PPP2R2B: variants seen among roughly 807,000 people sequenced by gnomAD.
PPP2R2B encodes serine/threonine-protein phosphatase 2A 55 kDa regulatory subunit B beta isoform.
A neutral mutation model predicts 46.0 loss-of-function variants in PPP2R2B; 5 were observed. The ratio of observed to expected loss-of-function variants is 0.11; its 90% CI spans 0.06 to 0.23. PPP2R2B has a LOEUF of 0.23. Ranked by LOEUF, PPP2R2B falls within the 10% of genes least tolerant of loss-of-function variation. PPP2R2B has a pLI of 1.00. For missense variants in PPP2R2B, 367 were observed against 575.0 expected (o/e 0.64, Z 3.70); for synonymous variants, 215 against 206.7 (o/e 1.04, Z -0.34).
intron 2 of PPP2R2B, among the ~76,000 whole-genome samples, chr5:146,770,693 G>C (rs1754797959): frequency 6.6e-6 from 1 of 152,200 alleles, no homozygotes; most frequent in Admixed American, 6.5e-5. Flanking sequence ...CTGCTATGTG[G>C]GTTGGGAGGT....
At chr5:147,061,792 T>C (rs968274307) in intron 2 of PPP2R2B, among the ~76,000 whole-genome samples, 6 of 152,148 alleles carry the variant, frequency 3.9e-5, no homozygotes, top group Non-Finnish European at 8.8e-5. Context: ...ACAGAAGATT[T>C]TGGCTCTCAT....
Position 146,699,661 on chromosome 5 carries a change from GTT to G in PPP2R2B, c.168+1382_168+1383del, listed in dbSNP as rs11388336. Among the ~76,000 whole-genome samples the G allele has an allele frequency of 9.1e-4, 107 of 118,066 alleles. 1 individual carries two copies. The South Asian group carries it at 0.011, about 13-fold the overall frequency. The allele number at this position is 118,066 out of a possible 152,430, so 77.5% of individuals were successfully genotyped here. A position where few individuals can be genotyped will look rare whatever the true frequency, so the allele number is the denominator to read the frequency against. On this transcript the variant is annotated intron_variant, in intron 3 of 9. Coordinates refer to ENST00000394411, the MANE Select transcript of PPP2R2B (RefSeq NM_181675.4). Reference sequence around the variant, plus strand: ...TTTATCATCACTGCGAACTTAATTGGTTTTTTTTTTTTTTTTTTTTTTTAAGA... The same window carrying G: ...TTTATCATCACTGCGAACTTAATTGGTTTTTTTTTTTTTTTTTTTTTAAGA...
intron 2 of PPP2R2B, among the ~76,000 whole-genome samples, chr5:146,767,113 G>A (rs572396776): frequency 9.9e-5 from 14 of 141,690 alleles, no homozygotes; most frequent in African/African-American, 3.3e-4. Context: ...ATCTTAGGTA[G>A]CATTAGTTTC....
At chr5:146,969,035 A>G (rs145582932) in intron 1 of PPP2R2B, among the ~76,000 whole-genome samples, 60 of 152,374 alleles carry the variant, frequency 3.9e-4, no homozygotes, top group African/African-American at 1.4e-3. Flanking sequence ...GTATTTGTCA[A>G]CTCCAGCCTA....
chr5:146,867,968 T>G (rs1451404817), intron 2 of PPP2R2B, among the ~76,000 whole-genome samples: 1 of 152,172 alleles, frequency 6.6e-6, no homozygotes, highest in Non-Finnish European at 1.5e-5. Context: ...ACCCCCACCA[T>G]GGAGTATAAA....
intron 2 of PPP2R2B, among the ~76,000 whole-genome samples, chr5:146,871,299 G>A (rs1469316004): frequency 1.3e-5 from 2 of 152,194 alleles, no homozygotes; most frequent in Non-Finnish European, 2.9e-5. Context: ...TTCTCTTGCT[G>A]TGGCCCAGGC....
intron 1 of PPP2R2B, among the ~76,000 whole-genome samples, chr5:146,985,612 T>G (rs1330213680): frequency 6.6e-6 from 1 of 152,162 alleles, no homozygotes; most frequent in East Asian, 1.9e-4. Context: ...ACGGCTAACA[T>G]TATACTCAAA....
In PPP2R2B at chr5:146,593,054, G is replaced by A. The variant is rs770113098; in HGVS notation, c.969C>T (p.Asp323=). 6.2e-7 allele frequency: 1 copy of A among 1,612,374 alleles called. No homozygotes were observed. The highest frequency in any genetic ancestry group is 1.7e-5 in the Admixed American group (1 of 60,020). The change falls in exon 9 of 10, where the codon GAC becomes GAT. Residue 323 remains aspartate, a synonymous_variant. Coordinates refer to ENST00000394411, the MANE Select transcript of PPP2R2B (RefSeq NM_181675.4). ...NRPIETYQVH[D]YLRSKLCSLY... ...GGGAACACAGCTTGCTGCGGAGGTA[G>A]TCATGAACCTGGAGAGGAAACATAT... is the stretch of plus-strand genomic sequence containing the variant.
At position 146,689,465 on chromosome 5, in the gene PPP2R2B, G is replaced by A. The variant is rs142416681; in HGVS notation, c.447+1663C>T. ...CTTACTATTCAACACAGGAACAGGC[G>A]TACAGGTTTGTAGCCGAGGACCAAC... On this transcript the variant is annotated intron_variant, in intron 5 of 9. Transcript: ENST00000394411. 9.4e-4 allele frequency among the ~76,000 whole-genome samples: 143 copies of A among 152,274 alleles called. 2 individuals carry two copies. The East Asian group carries it at 0.025, about 26-fold the overall frequency.
At chr5:146,844,315 G>A in intron 2 of PPP2R2B, among the ~76,000 whole-genome samples, 1 of 149,130 alleles carries the variant, frequency 6.7e-6, no homozygotes, top group South Asian at 2.1e-4. Flanking sequence ...TAACTAACCT[G>A]CACAATGTGC....
intron 2 of PPP2R2B, among the ~76,000 whole-genome samples, chr5:146,703,623 C>T (rs1320228071): frequency 6.6e-6 from 1 of 152,156 alleles, no homozygotes; most frequent in Non-Finnish European, 1.5e-5. Context: ...AAGGGCAACA[C>T]TTGCTTTCCC....
chr5:146,793,762 G>T (rs1357197279), intron 2 of PPP2R2B, among the ~76,000 whole-genome samples: 1 of 152,166 alleles, frequency 6.6e-6, no homozygotes, highest in Non-Finnish European at 1.5e-5. Flanking sequence ...GAAATAACGA[G>T]AATATAAAGG....
chr5:146,842,873 T>G (rs1329601888), intron 2 of PPP2R2B, among the ~76,000 whole-genome samples: 1 of 152,244 alleles, frequency 6.6e-6, no homozygotes, highest in African/African-American at 2.4e-5. Context: ...AATTTTGAAA[T>G]GCAGTTTTTT....
At chr5:146,699,266 G>C (rs780417285) in intron 3 of PPP2R2B, among the ~76,000 whole-genome samples, 2 of 152,072 alleles carry the variant, frequency 1.3e-5, no homozygotes, top group Non-Finnish European at 2.9e-5. Flanking sequence ...CAGACTCTCT[G>C]GGTGTGTGCC....
chr5:146,971,360 C>A (rs1752654031), intron 1 of PPP2R2B, among the ~76,000 whole-genome samples: 1 of 152,144 alleles, frequency 6.6e-6, no homozygotes. Context: ...TAACATGTGT[C>A]CCCTTCTCTT....
Position 146,915,245 on chromosome 5 carries a change from A to G in PPP2R2B, c.79+140420T>C, listed in dbSNP as rs140229132. On this transcript the variant is annotated intron_variant, in intron 1 of 8. Transcript: ENST00000336640. ...GTAGCCAGGAAAAAATTTTTAAAAT[A>G]AATGTGAATCAGATCATGTCATTCT... is the stretch of plus-strand genomic sequence containing the variant. 2.6e-4 allele frequency among the ~76,000 whole-genome samples: 39 copies of G among 152,292 alleles called. No individual in the cohort carries two copies. The East Asian group carries it at 6.4e-3, about 25-fold the overall frequency.
intron 2 of PPP2R2B, among the ~76,000 whole-genome samples, chr5:147,063,034 AAAGG>A (rs1479540532): frequency 2.3e-4 from 32 of 140,876 alleles, no homozygotes; most frequent in African/African-American, 8.1e-4. Flanking sequence ...AGGAAGGAGA[AAAGG>A]AAGGAAGAGA....
intron 1 of PPP2R2B, among the ~76,000 whole-genome samples, chr5:147,007,535 C>A (rs757242431): frequency 5.3e-5 from 8 of 152,134 alleles, no homozygotes; most frequent in Non-Finnish European, 7.4e-5. Context: ...AGCTGGCCAC[C>A]GGAGCCAGCA....
intron 2 of PPP2R2B, among the ~76,000 whole-genome samples, chr5:146,781,952 A>G (rs1755556560): frequency 6.6e-6 from 1 of 152,212 alleles, no homozygotes; most frequent in Non-Finnish European, 1.5e-5. Flanking sequence ...TGATAGGATC[A>G]TGGGGGCAGT....
Sources: gnomAD v4.1 joint callset for allele counts (sites outside exome capture counted in the v4.1 genomes callset) on GRCh38, gnomAD v4.1.1 for gene constraint, MANE v1.5 for transcripts, NCBI Gene and HGNC (gene_info 2026-07-23, HGNC 2026-07-21) for gene names.